Variants in MAML2 observed in about 807,000 individuals in gnomAD.
MAML2 encodes the protein mastermind like transcriptional coactivator 2, also known as mastermind-like protein 2.
In MAML2, 22 loss-of-function variants were observed where a neutral mutation model predicts 96.1. The observed-to-expected ratio is 0.23, with a 90% CI of 0.16 to 0.33. The LOEUF (loss-of-function observed/expected upper bound fraction) is 0.33, where lower values mean the gene tolerates loss of function less well. MAML2 is among the 10% of genes least tolerant of loss of function. The pLI is 1.00. For synonymous variants in MAML2, 561 were observed against 521.3 expected (o/e 1.08, Z -1.04); for missense variants, 1,367 against 1,392.4 (o/e 0.98, Z 0.29).
At chr11:96,192,566 C>T (rs1047363249) in intron 1 of MAML2, among the ~76,000 whole-genome samples, 4 of 152,208 alleles carry the variant, frequency 2.6e-5, no homozygotes, top group Non-Finnish European at 4.4e-5. Context: ...ATTTTATAAT[C>T]ATGTCCCTGT....
intron 1 of MAML2, among the ~76,000 whole-genome samples, chr11:96,094,141 CT>C (rs1464792028): frequency 2.0e-5 from 3 of 152,152 alleles, no homozygotes; most frequent in African/African-American, 4.8e-5. Context: ...ATGTAGCAAC[CT>C]TATGTGGACA....
chr11:96,130,490 A>G (rs924845459), intron 1 of MAML2, among the ~76,000 whole-genome samples: 4 of 152,168 alleles, frequency 2.6e-5, no homozygotes, highest in African/African-American at 9.7e-5. Context: ...AATATGTACC[A>G]TGGCTTGCTG....
intron 1 of MAML2, among the ~76,000 whole-genome samples, chr11:96,120,593 A>G (rs536704798): frequency 6.6e-6 from 1 of 152,340 alleles, no homozygotes; most frequent in Admixed American, 6.5e-5. Context: ...TTGCTTTTGG[A>G]TAATTATATC....
At chr11:96,335,008 GCT>G (rs1336496512) in intron 1 of MAML2, among the ~76,000 whole-genome samples, 24 of 152,212 alleles carry the variant, frequency 1.6e-4, no homozygotes, top group African/African-American at 5.8e-4. Flanking sequence ...CAAGGTTGAA[GCT>G]AGTCAATAGC....
chr11:96,108,483 C>T (rs1158539073), intron 1 of MAML2, among the ~76,000 whole-genome samples: 4 of 152,230 alleles, frequency 2.6e-5, no homozygotes, highest in African/African-American at 9.6e-5. Flanking sequence ...CCCCTACTTA[C>T]TAGTAGTGTG....
chr11:96,259,134 C>T (rs1222904423), intron 1 of MAML2, among the ~76,000 whole-genome samples: 3 of 152,230 alleles, frequency 2.0e-5, no homozygotes, highest in African/African-American at 4.8e-5. Context: ...GGTAACTCTG[C>T]TTAACAACCA....
chr11:95,992,431 T>A (rs934660189), intron 2 of MAML2, among the ~76,000 whole-genome samples: 1 of 152,182 alleles, frequency 6.6e-6, no homozygotes, highest in Non-Finnish European at 1.5e-5. Flanking sequence ...CCTTTCTAAT[T>A]TGAGGTCTCT....
intron 2 of MAML2, among the ~76,000 whole-genome samples, chr11:96,058,554 C>T (rs1159348405): frequency 1.3e-5 from 2 of 152,168 alleles, no homozygotes; most frequent in African/African-American, 4.8e-5. Flanking sequence ...CTCCTGACCT[C>T]ATGATCCACC....
intron 1 of MAML2, among the ~76,000 whole-genome samples, chr11:96,153,011 T>C (rs1860948493): frequency 6.6e-6 from 1 of 152,164 alleles, no homozygotes; most frequent in African/African-American, 2.4e-5. Flanking sequence ...GAATGCAGGG[T>C]AGTTTTACCC....
chr11:96,228,588 T>C lies in MAML2; in HGVS notation c.513+112795A>G, dbSNP rs574847056. 6.0e-4 allele frequency among the ~76,000 whole-genome samples: 92 copies of C among 152,218 alleles called. 1 individual carries two copies. Among genetic ancestry groups the C allele is most frequent in the Non-Finnish European group, 1.1e-3 (75 of 68,032 alleles). ...GAAGATGGCCGCTGTCCACCTTCCATTGGGACATTTTACTTTTGAGAACAA... is the reference window on the plus strand; with the variant it reads ...GAAGATGGCCGCTGTCCACCTTCCACTGGGACATTTTACTTTTGAGAACAA... On this transcript the variant is annotated intron_variant, in intron 1 of 4. Transcript: ENST00000524717.
intron 1 of MAML2, among the ~76,000 whole-genome samples, chr11:96,122,794 A>G (rs888409823): frequency 6.6e-6 from 1 of 152,222 alleles, no homozygotes; most frequent in African/African-American, 2.4e-5. Context: ...AGAAAGCCCC[A>G]TGTAAGTGAA....
At chr11:95,986,023 C>A (rs997858748) in intron 3 of MAML2, among the ~76,000 whole-genome samples, 8 of 152,092 alleles carry the variant, frequency 5.3e-5, no homozygotes, top group Non-Finnish European at 1.2e-4. Context: ...ACACCAAACA[C>A]CCCCCTCTCT....
At chr11:96,055,300 C>T (rs1433068712) in intron 2 of MAML2, among the ~76,000 whole-genome samples, 4 of 152,132 alleles carry the variant, frequency 2.6e-5, no homozygotes, top group Admixed American at 2.6e-4. Context: ...CAGAATTAAA[C>T]CCACAAGCTC....
rs559514696 is a variant in MAML2 at position 96,122,559 on chromosome 11, A to AT, written c.514-29043dup. On this transcript the variant is annotated intron_variant, in intron 1 of 4. Coordinates refer to ENST00000524717, the MANE Select transcript of MAML2 (RefSeq NM_032427.4). ...GTGCACGTGCATGTTTGTGTATGAG[A>AT]TTTTTTCCCCATAGAAAATATAAGC... is the stretch of plus-strand genomic sequence containing the variant. Among the ~76,000 whole-genome samples the AT allele has an allele frequency of 2.1e-4, 31 of 150,884 alleles. No individual in the cohort carries two copies. In the South Asian group the frequency reaches 2.1e-3, roughly 10 times the overall value.
intron 1 of MAML2, among the ~76,000 whole-genome samples, chr11:96,154,628 C>T (rs1417511217): frequency 6.6e-6 from 1 of 152,170 alleles, no homozygotes; most frequent in Non-Finnish European, 1.5e-5. Flanking sequence ...GGCCCAGTAT[C>T]TCAGTTCAGT....
chr11:96,111,829 A>G (rs1391882811), intron 1 of MAML2, among the ~76,000 whole-genome samples: 1 of 152,238 alleles, frequency 6.6e-6, no homozygotes, highest in Non-Finnish European at 1.5e-5. Context: ...AATTGTTCAC[A>G]CAAATCTTTT....
chr11:95,999,374 A>C (rs1858045475), intron 2 of MAML2, among the ~76,000 whole-genome samples: 1 of 152,104 alleles, frequency 6.6e-6, no homozygotes, highest in Non-Finnish European at 1.5e-5. Context: ...AATTGTAAGG[A>C]CTCTGTCAGG....
chr11:96,027,646 G>A (rs1010715010), intron 2 of MAML2, among the ~76,000 whole-genome samples: 6 of 152,246 alleles, frequency 3.9e-5, no homozygotes, highest in Non-Finnish European at 5.9e-5. Flanking sequence ...GCTATCCTCA[G>A]TCACGGAGGA....
chr11:96,299,572 C>T (rs888488293), intron 1 of MAML2, among the ~76,000 whole-genome samples: 1 of 152,072 alleles, frequency 6.6e-6, no homozygotes, highest in African/African-American at 2.4e-5. Context: ...AGGTGAGAAG[C>T]TCTTAAGGAA....
Sources: gnomAD v4.1 joint callset for allele counts (sites outside exome capture counted in the v4.1 genomes callset) on GRCh38, gnomAD v4.1.1 for gene constraint, MANE v1.5 for transcripts, NCBI Gene and HGNC (gene_info 2026-07-23, HGNC 2026-07-21) for gene names.